The following CCSER1 variants were observed in gnomAD, a reference collection of about 807,000 sequenced individuals.
CCSER1 encodes the protein coiled-coil serine rich protein 1, also known as serine-rich coiled-coil domain-containing protein 1.
Under a neutral mutation model 82.0 loss-of-function variants are expected in CCSER1, and 41 were observed. That is an observed-to-expected ratio of 0.50 (90% CI 0.39 to 0.65). The LOEUF (loss-of-function observed/expected upper bound fraction) is 0.65. Among genes scored for constraint, CCSER1 ranks in the 30% least tolerant of loss-of-function variants. The pLI is 0.00. For missense variants in CCSER1, 1,119 were observed against 1,064.2 expected, an observed-to-expected ratio of 1.05 and a Z score of -0.72; for synonymous variants, 414 against 383.9, an observed-to-expected ratio of 1.08 and a Z score of -0.92.
At chr4:91,315,032 A>G (rs1745731127) in intron 10 of CCSER1, among the ~76,000 whole-genome samples, 1 of 151,976 alleles carries the variant, frequency 6.6e-6, no homozygotes, top group Non-Finnish European at 1.5e-5. Context: ...AAAACTCTGA[A>G]CAATAGTAGA....
intron 10 of CCSER1, among the ~76,000 whole-genome samples, chr4:91,321,839 A>G (rs943772359): frequency 1.3e-5 from 2 of 152,010 alleles, no homozygotes; most frequent in Non-Finnish European, 2.9e-5. Flanking sequence ...GATCATTTAA[A>G]TTTATATTTT....
chr4:90,731,686 T>C (rs1356968104), intron 7 of CCSER1, among the ~76,000 whole-genome samples: 2 of 152,176 alleles, frequency 1.3e-5, no homozygotes, highest in East Asian at 1.9e-4. Flanking sequence ...GGTTCTCTAA[T>C]GGGAATAAAT....
chr4:91,193,885 G>T (rs1008950876), intron 10 of CCSER1, among the ~76,000 whole-genome samples: 2 of 151,806 alleles, frequency 1.3e-5, no homozygotes, highest in African/African-American at 4.8e-5. Flanking sequence ...GGTAAGAGGG[G>T]TTTTAAAATT....
At chr4:90,432,987 C>T (rs1198244779) in intron 4 of CCSER1, among the ~76,000 whole-genome samples, 1 of 152,096 alleles carries the variant, frequency 6.6e-6, no homozygotes, top group African/African-American at 2.4e-5. Context: ...TCCTACTTTG[C>T]TTATACCTAC....
chr4:90,729,131 T>A (rs1411442229), intron 7 of CCSER1, among the ~76,000 whole-genome samples: 1 of 152,120 alleles, frequency 6.6e-6, no homozygotes, highest in Non-Finnish European at 1.5e-5. Context: ...CTTCATTAGG[T>A]TCTTATAAGG....
chr4:90,986,897 T>A (rs2150436464), intron 9 of CCSER1, among the ~76,000 whole-genome samples: 1 of 151,850 alleles, frequency 6.6e-6, no homozygotes, highest in Non-Finnish European at 1.5e-5. Flanking sequence ...ACTTGCTAAA[T>A]AAGGGAGAGC....
intron 5 of CCSER1, among the ~76,000 whole-genome samples, chr4:90,613,012 A>G (rs1194843742): frequency 6.6e-6 from 1 of 152,124 alleles, no homozygotes; most frequent in African/African-American, 2.4e-5. Flanking sequence ...ATAATACTCT[A>G]AAGCAAACTC....
chr4:90,507,188 A>C (rs532438868), intron 5 of CCSER1, among the ~76,000 whole-genome samples: 2 of 152,200 alleles, frequency 1.3e-5, no homozygotes, highest in Non-Finnish European at 2.9e-5. Flanking sequence ...AGCAGTGATT[A>C]CTTCTTTCCT....
At chr4:91,149,040 C>T (rs1729854210) in intron 10 of CCSER1, among the ~76,000 whole-genome samples, 2 of 152,040 alleles carry the variant, frequency 1.3e-5, no homozygotes, top group Non-Finnish European at 2.9e-5. Context: ...AGATCTAGAT[C>T]CTTGAGGAAT....
chr4:90,510,562 C>T (rs1771352028), intron 5 of CCSER1, among the ~76,000 whole-genome samples: 1 of 152,126 alleles, frequency 6.6e-6, no homozygotes, highest in Non-Finnish European at 1.5e-5. Flanking sequence ...TTGTCTTTTC[C>T]AGCTTTTCCA....
intron 5 of CCSER1, among the ~76,000 whole-genome samples, chr4:90,579,159 G>A (rs767392671): frequency 5.0e-4 from 76 of 151,722 alleles, no homozygotes; most frequent in Non-Finnish European, 9.3e-4. Flanking sequence ...TATTTTTTTC[G>A]CATGCTATAT....
chr4:90,628,011 T>A lies in CCSER1; in HGVS notation c.1725-14T>A, dbSNP rs776416038. On this transcript the variant is annotated splice_polypyrimidine_tract_variant and intron_variant, in intron 5 of 10. Transcript: ENST00000509176. Reference sequence around the variant, plus strand: ...CTGCACTGTAATTTTTGTTCTTTTTTTTTTTCTTGTTAGGAATCTTTCCCT... The same window carrying A: ...CTGCACTGTAATTTTTGTTCTTTTTATTTTTCTTGTTAGGAATCTTTCCCT... 5.4e-4 allele frequency: 875 copies of A among 1,611,030 alleles called. No homozygotes were observed. Among genetic ancestry groups the A allele is most frequent in the Non-Finnish European group, 6.9e-4 (809 of 1,177,508 alleles).
At chr4:90,214,163 G>A (rs1311233617) in intron 1 of CCSER1, among the ~76,000 whole-genome samples, 2 of 152,146 alleles carry the variant, frequency 1.3e-5, no homozygotes, top group Admixed American at 6.6e-5. Flanking sequence ...GCAAATATGG[G>A]AGAGCTGGCC....
chr4:90,861,905 C>CATATAT (rs1433929339), intron 8 of CCSER1, among the ~76,000 whole-genome samples: 51 of 139,402 alleles, frequency 3.7e-4, no homozygotes, highest in East Asian at 2.1e-3. Context: ...TATGATGACT[C>CATATAT]ATATATATAT....
rs774556963 is a variant in CCSER1, at chr4:90,309,148, C to G, written c.864C>G (p.Gly288=). The part of the protein sequence containing the change: ...GSMASHCDNF[G]HNDSTSQMSL... Reference sequence around the variant, plus strand: ...TGGCATCCCACTGTGACAACTTTGGCCACAATGATTCTACCTCTCAGATGT... The same window carrying G: ...TGGCATCCCACTGTGACAACTTTGGGCACAATGATTCTACCTCTCAGATGT... Residue 288 remains glycine, a synonymous_variant, in exon 2 of 11, where the codon GGC becomes GGG. Coordinates refer to ENST00000509176, the MANE Select transcript of CCSER1 (RefSeq NM_001145065.2). The G allele has an allele frequency of 1.2e-6, 2 of 1,613,878 alleles. No individual in the cohort carries two copies. The highest frequency in any genetic ancestry group is 2.2e-5 in the East Asian group (1 of 44,874).
chr4:91,517,268 T>G (rs555817453), intron 10 of CCSER1, among the ~76,000 whole-genome samples: 3 of 152,306 alleles, frequency 2.0e-5, no homozygotes, highest in African/African-American at 7.2e-5. Flanking sequence ...ATCTTTGTGT[T>G]GTGCAAGTTT....
intron 7 of CCSER1, among the ~76,000 whole-genome samples, chr4:90,800,907 A>C (rs2149699029): frequency 6.6e-6 from 1 of 152,280 alleles, no homozygotes; most frequent in Middle Eastern, 3.4e-3. Flanking sequence ...TGGATCAAAC[A>C]AAAAAATAAG....
chr4:91,525,904 C>T (rs1279383319), intron 10 of CCSER1, among the ~76,000 whole-genome samples: 2 of 152,096 alleles, frequency 1.3e-5, no homozygotes, highest in Non-Finnish European at 2.9e-5. Flanking sequence ...TGTTTCAGGC[C>T]ACAAGGGGAA....
chr4:91,513,114 T>C lies in CCSER1; in HGVS notation c.2218-85458T>C, dbSNP rs188644445. On this transcript the variant is annotated intron_variant, in intron 10 of 10. Coordinates refer to ENST00000509176, the MANE Select transcript of CCSER1 (RefSeq NM_001145065.2). ...GCTGTGCATTTGTCACAGATGGCTC[T>C]TATTATTAATATTTTGAGGTATGTT... 6.9e-3 allele frequency among the ~76,000 whole-genome samples: 1,052 copies of C among 152,228 alleles called. 14 individuals carry two copies. The highest frequency in any genetic ancestry group is 0.027 in the Admixed American group (412 of 15,278).
Sources: gnomAD v4.1 joint callset for allele counts (sites outside exome capture counted in the v4.1 genomes callset) on GRCh38, gnomAD v4.1.1 for gene constraint, MANE v1.5 for transcripts, NCBI Gene and HGNC (gene_info 2026-07-23, HGNC 2026-07-21) for gene names.